The following SNTG1 variants were observed in gnomAD, a reference collection of about 807,000 sequenced individuals.
SNTG1 encodes syntrophin gamma 1.
Under a neutral mutation model 74.7 loss-of-function variants are expected in SNTG1, and 39 were observed. The observed-to-expected ratio is 0.52, with a 90% CI of 0.40 to 0.68. SNTG1 has a LOEUF of 0.68. Among genes scored for constraint, SNTG1 ranks in the 30% least tolerant of loss-of-function variants. The pLI, the probability that SNTG1 is intolerant of heterozygous loss-of-function variation, is 0.00. For synonymous variants in SNTG1, 254 were observed against 217.1 expected (o/e 1.17, Z -1.49); for missense variants, 685 against 609.5 (o/e 1.12, Z -1.30).
rs928430033 is a variant in SNTG1 at position 50,101,655 on chromosome 8, A to C, written c.-102-70906A>C. Among the ~76,000 whole-genome samples the C allele has an allele frequency of 6.6e-5, 10 of 151,968 alleles. 1 individual carries two copies. Among genetic ancestry groups the C allele is most frequent in the African/African-American group, 2.4e-4 (10 of 41,486 alleles). ...CATGTGCCATGCTGGTGTGCTGCAC[A>C]CATTAACTCGTCATTTAGCATTAGG... On this transcript the variant is annotated intron_variant, in intron 1 of 18. Coordinates refer to ENST00000642720, the MANE Select transcript of SNTG1 (RefSeq NM_018967.5).
chr8:50,371,157 G>T (rs1288297015), intron 2 of SNTG1, among the ~76,000 whole-genome samples: 1 of 152,100 alleles, frequency 6.6e-6, no homozygotes, highest in Admixed American at 6.6e-5. Context: ...TTGAGAATCA[G>T]CTATTGGCCT....
intron 1 of SNTG1, among the ~76,000 whole-genome samples, chr8:50,141,053 G>C (rs1464351499): frequency 6.6e-6 from 1 of 152,284 alleles, no homozygotes; most frequent in East Asian, 1.9e-4. Context: ...CAGAAACTCT[G>C]TAAGAATGCA....
intron 8 of SNTG1, among the ~76,000 whole-genome samples, chr8:50,500,640 ACT>A (rs2093943391): frequency 1.3e-5 from 2 of 151,874 alleles, no homozygotes; most frequent in Non-Finnish European, 1.5e-5. Context: ...ATATTAGGTG[ACT>A]CTGCCTCTTA....
rs2095568510 is a variant in SNTG1 at position 50,751,982 on chromosome 8, T to G, written c.1285-19T>G. 1 of 1,344,612 alleles carries G rather than the reference T, an allele frequency of 7.4e-7. No individual in the cohort carries two copies. The highest frequency in any genetic ancestry group is 3.3e-5 in the Admixed American group (1 of 30,074). 83.3% of individuals were successfully genotyped at this position (1,344,612 alleles called of 1,614,324 possible). On this transcript the variant is annotated intron_variant, in intron 17 of 18. Transcript: ENST00000642720. ...ATATTAATTCCACCGACTTACATTG[T>G]TTTTTTTCCCCCCTTTAGGCTGTCC...
intron 9 of SNTG1, among the ~76,000 whole-genome samples, chr8:50,523,570 T>C (rs2094197235): frequency 6.6e-6 from 1 of 152,202 alleles, no homozygotes; most frequent in African/African-American, 2.4e-5. Flanking sequence ...GGGGAACAGC[T>C]AGTCAGTTGA....
intron 1 of SNTG1, among the ~76,000 whole-genome samples, chr8:50,059,362 T>A (rs927007955): frequency 6.6e-6 from 1 of 152,132 alleles, no homozygotes; most frequent in African/African-American, 2.4e-5. Context: ...ACACAGCTTA[T>A]AACTCACTCG....
chr8:50,405,224 G>T (rs200861828), intron 4 of SNTG1, among the ~76,000 whole-genome samples: 3 of 151,958 alleles, frequency 2.0e-5, no homozygotes, highest in African/African-American at 7.2e-5. Flanking sequence ...AGAAACTGCC[G>T]TACTCTTTTC....
chr8:50,623,157 A>C (rs981237075), intron 13 of SNTG1, among the ~76,000 whole-genome samples: 8 of 152,090 alleles, frequency 5.3e-5, no homozygotes, highest in Non-Finnish European at 2.9e-5. Context: ...CAACTTAGAC[A>C]CATTTATTCT....
At position 50,450,484 on chromosome 8, in the gene SNTG1, T is replaced by G. The variant is rs1306521520; in HGVS notation, c.278-72T>G. ...TTATATTTGTAAATTTTACCTTTAT[T>G]TAATTAAAAGTCCTTTCATCTGCAT... is the stretch of plus-strand genomic sequence containing the variant. On this transcript the variant is annotated intron_variant, in intron 6 of 18. Transcript: ENST00000642720. The G allele has an allele frequency of 2.0e-6, 3 of 1,478,100 alleles. No individual in the cohort carries two copies. The African/African-American group carries it at 4.2e-5, about 21-fold the overall frequency. The allele number at this position is 1,478,100 out of a possible 1,614,324, so 91.6% of individuals were successfully genotyped here.
chr8:50,439,061 A>G (rs1384933800), intron 5 of SNTG1, among the ~76,000 whole-genome samples: 1 of 152,164 alleles, frequency 6.6e-6, no homozygotes, highest in Non-Finnish European at 1.5e-5. Context: ...TGCTAATCAT[A>G]TAGGATAGAC....
intron 13 of SNTG1, among the ~76,000 whole-genome samples, chr8:50,599,068 T>G (rs994384852): frequency 3.3e-5 from 5 of 151,984 alleles, no homozygotes; most frequent in Admixed American, 1.3e-4. Flanking sequence ...TCATGGAAAA[T>G]GGAGTGTTTA....
chr8:50,483,134 C>T (rs2093754837), intron 8 of SNTG1, among the ~76,000 whole-genome samples: 1 of 152,158 alleles, frequency 6.6e-6, no homozygotes. Context: ...GCATAAATTA[C>T]TTCCAACTAT....
In SNTG1 at chr8:50,276,397, AT is replaced by A. The variant is rs1291312999; in HGVS notation, c.-28+103763del. On this transcript the variant is annotated intron_variant, in intron 2 of 18. Transcript: ENST00000642720. ...TTTATATATATATATATATATATAT[AT>A]ATATATATATAAATCATATATTAAC... 2.6e-4 allele frequency among the ~76,000 whole-genome samples: 23 copies of A among 87,640 alleles called. 1 individual carries two copies. The highest frequency in any genetic ancestry group is 6.8e-4 in the African/African-American group (23 of 33,702). 57.5% of individuals were successfully genotyped at this position (87,640 alleles called of 152,430 possible).
intron 8 of SNTG1, among the ~76,000 whole-genome samples, chr8:50,487,493 G>T (rs193187007): frequency 1.3e-5 from 2 of 152,284 alleles, no homozygotes; most frequent in African/African-American, 2.4e-5. Context: ...TTACACCATG[G>T]AATACTATGC....
chr8:50,530,383 T>C, intron 10 of SNTG1, 124 bp downstream of exon 10: 5 of 965,846 alleles, frequency 5.2e-6, no homozygotes, highest in Non-Finnish European at 6.2e-6. Context: ...TTAAGAATTA[T>C]GATAAACAAG....
At chr8:50,022,965 C>CAAACAA (rs1816953784) in intron 1 of SNTG1, among the ~76,000 whole-genome samples, 1 of 152,034 alleles carries the variant, frequency 6.6e-6, no homozygotes, top group Non-Finnish European at 1.5e-5. Flanking sequence ...CAGTGGCAAA[C>CAAACAA]AAACAAAAAC....
chr8:50,646,221 C>T (rs766927818), intron 13 of SNTG1, among the ~76,000 whole-genome samples: 74 of 152,164 alleles, frequency 4.9e-4, no homozygotes, highest in Non-Finnish European at 8.4e-4. Context: ...ACAGCCTTAC[C>T]GGCTGTTGGA....
chr8:50,658,893 A>C (rs1466086005), intron 15 of SNTG1, among the ~76,000 whole-genome samples: 3 of 152,222 alleles, frequency 2.0e-5, no homozygotes, highest in African/African-American at 7.2e-5. Flanking sequence ...CAGACTCTGC[A>C]GTCCCACCGT....
intron 2 of SNTG1, among the ~76,000 whole-genome samples, chr8:50,204,364 G>A (rs988717303): frequency 5.9e-5 from 9 of 151,986 alleles, no homozygotes; most frequent in Non-Finnish European, 1.3e-4. Flanking sequence ...CATGAATTAT[G>A]TTCCAAGTAG....
Sources: allele counts gnomAD v4.1 joint callset (sites outside exome capture counted in the v4.1 genomes callset), GRCh38; gene constraint gnomAD v4.1.1; transcripts MANE v1.5; gene names NCBI Gene and HGNC (gene_info 2026-07-23, HGNC 2026-07-21).